The following PPP1R1C variants were observed in gnomAD, a reference collection of about 807,000 sequenced individuals.
PPP1R1C encodes the protein protein phosphatase 1 regulatory subunit 1C.
A neutral mutation model predicts 17.4 loss-of-function variants in PPP1R1C; 15 were observed. That is an observed-to-expected ratio of 0.86 (90% CI 0.58 to 1.33). The LOEUF is 1.33. Ranked by LOEUF, PPP1R1C falls within the 40% of genes most tolerant of loss-of-function variation. The pLI is 0.00. For synonymous variants in PPP1R1C, 35 were observed against 43.1 expected (o/e 0.81, Z 0.73); for missense variants, 143 against 130.0 (o/e 1.10, Z -0.48).
chr2:182,126,863 G>A (rs1181966516), intron 5 of PPP1R1C, among the ~76,000 whole-genome samples: 1 of 152,036 alleles, frequency 6.6e-6, no homozygotes, highest in African/African-American at 2.4e-5. Flanking sequence ...AGTAGGTAAA[G>A]GAGGGAATTT....
rs1684814829 is a variant in PPP1R1C, at chr2:181,962,338, G to A, written n.111+7704G>A. The A allele has an allele frequency of 3.2e-6, 3 of 944,020 alleles. No homozygotes were observed. Among genetic ancestry groups the A allele is most frequent in the Admixed American group, 1.9e-5 (1 of 53,382 alleles). 58.5% of individuals were successfully genotyped at this position (944,020 alleles called of 1,614,324 possible). A position where few individuals can be genotyped will look rare whatever the true frequency, so the allele number is the denominator to read the frequency against. ...CCCGGAAGCTGGTGGAGCGGGACAC[G>A]GATATCCGGGAACCAGAGCCCCCGG... On this transcript the variant is annotated intron_variant and non_coding_transcript_variant, in intron 1 of 5. Transcript: ENST00000464264. The surrounding 1 kb of genome is among the most constrained non-coding windows in gnomAD (Gnocchi z 6.0).
chr2:182,101,505 G>T (rs1391096101), intron 4 of PPP1R1C, among the ~76,000 whole-genome samples: 1 of 152,150 alleles, frequency 6.6e-6, no homozygotes, highest in East Asian at 1.9e-4. Context: ...GATAAAGCAT[G>T]AAAGGGAACT....
At chr2:182,099,833 A>G (rs529683664) in intron 4 of PPP1R1C, among the ~76,000 whole-genome samples, 1 of 152,344 alleles carries the variant, frequency 6.6e-6, no homozygotes, top group South Asian at 2.1e-4. Context: ...GACTGACCAT[A>G]AATGCTTAGG....
At chr2:182,002,141 T>C (rs765720387) in intron 2 of PPP1R1C, among the ~76,000 whole-genome samples, 1 of 152,116 alleles carries the variant, frequency 6.6e-6, no homozygotes, top group African/African-American at 2.4e-5. Context: ...AGAATGTTGA[T>C]ATTCTTCTTA....
chr2:182,042,337 G>A (rs1485697848), intron 2 of PPP1R1C, among the ~76,000 whole-genome samples: 1 of 152,158 alleles, frequency 6.6e-6, no homozygotes, highest in African/African-American at 2.4e-5. Context: ...AAAAGGATTT[G>A]GATGGAAGTA....
chr2:181,965,728 A>C (rs1441960844), intron 1 of PPP1R1C, among the ~76,000 whole-genome samples: 1 of 152,194 alleles, frequency 6.6e-6, no homozygotes, highest in Non-Finnish European at 1.5e-5. Flanking sequence ...ATTTGAAGTC[A>C]GGTAATGTGA....
chr2:182,023,771 C>T (rs1249122706), intron 2 of PPP1R1C: 2 of 151,988 alleles, frequency 1.3e-5, no homozygotes, highest in African/African-American at 4.8e-5. Context: ...CAGGCATGCA[C>T]CATCATGCCT....
intron 5 of PPP1R1C, among the ~76,000 whole-genome samples, chr2:182,124,327 G>GTTTTTTTTTTGTTTTTTTTTTTTTT (rs1689816316): frequency 3.6e-5 from 3 of 83,008 alleles, no homozygotes; most frequent in East Asian, 3.4e-4. Flanking sequence ...TTTTTTTTTT[G>GTTTTTTTTTTGTTTTTTTTTTTTTT]TTTTTTTTTT....
At position 181,986,000 on chromosome 2, in the gene PPP1R1C, G is replaced by A. The variant is rs117133490; in HGVS notation, c.-111G>A. The A allele has an allele frequency of 3.1e-3, 2,509 of 817,936 alleles. 23 individuals are homozygous for A. The highest frequency in any genetic ancestry group is 0.022 in the East Asian group (903 of 41,156). The allele number at this position is 817,936 out of a possible 1,614,324, so 50.7% of individuals were successfully genotyped here. ...ATCTGGAATTACAGCTATTTATTAC[G>A]AAGCACTCTGTGTGGCTTAGTGGAG... On this transcript the variant is annotated 5_prime_UTR_variant, in exon 1 of 5. Coordinates refer to ENST00000682840, the MANE Select transcript of PPP1R1C (RefSeq NM_001080545.3). This position sits in a 1 kb window ranked among gnomAD's most constrained non-coding sequence, Gnocchi z 4.1.
chr2:181,974,314 A>G (rs746103703), intron 1 of PPP1R1C, among the ~76,000 whole-genome samples: 1 of 152,210 alleles, frequency 6.6e-6, no homozygotes, highest in African/African-American at 2.4e-5. Flanking sequence ...ATATTTATCT[A>G]TGTTACATAA....
chr2:181,965,656 T>G (rs1475473927), intron 1 of PPP1R1C, among the ~76,000 whole-genome samples: 3 of 152,220 alleles, frequency 2.0e-5, no homozygotes, highest in African/African-American at 7.2e-5. Context: ...CATTGGTCTG[T>G]GTCTGTTTTT....
chr2:182,015,705 C>A (rs183508613), intron 2 of PPP1R1C, among the ~76,000 whole-genome samples: 110 of 152,242 alleles, frequency 7.2e-4, no homozygotes, highest in African/African-American at 2.6e-3. Context: ...GAAATGTCAT[C>A]CAGGAGCTAG....
At chr2:182,104,615 C>T (rs1689193965) in intron 4 of PPP1R1C, among the ~76,000 whole-genome samples, 2 of 152,066 alleles carry the variant, frequency 1.3e-5, no homozygotes, top group Non-Finnish European at 1.5e-5. Flanking sequence ...AGGTGATTTA[C>T]TAGTATTTAG....
At chr2:182,113,888 T>C (rs1442149564) in intron 4 of PPP1R1C, among the ~76,000 whole-genome samples, 1 of 152,180 alleles carries the variant, frequency 6.6e-6, no homozygotes, top group East Asian at 1.9e-4. Context: ...GTTTGCCAAA[T>C]ATAAACCTCC....
chr2:182,127,504 A>G (rs918203654), intron 5 of PPP1R1C, among the ~76,000 whole-genome samples: 1 of 152,102 alleles, frequency 6.6e-6, no homozygotes, highest in Non-Finnish European at 1.5e-5. Context: ...GCAACAGGCA[A>G]TTTTCATTTT....
intron 4 of PPP1R1C, among the ~76,000 whole-genome samples, chr2:182,085,266 A>G (rs1574439416): frequency 6.6e-6 from 1 of 151,944 alleles, no homozygotes; most frequent in Admixed American, 6.6e-5. Context: ...TCCCTTATCT[A>G]ATTGCTCTGG....
At chr2:182,042,841 G>A (rs1293853942) in intron 2 of PPP1R1C, among the ~76,000 whole-genome samples, 1 of 152,186 alleles carries the variant, frequency 6.6e-6, no homozygotes, top group Non-Finnish European at 1.5e-5. Flanking sequence ...TACCAGGGAA[G>A]CTGGAGGTAT....
intron 2 of PPP1R1C, among the ~76,000 whole-genome samples, chr2:182,005,165 A>T (rs147970572): frequency 4.5e-4 from 69 of 152,316 alleles, no homozygotes; most frequent in Middle Eastern, 3.4e-3. Context: ...TAACGTTGGC[A>T]ATATATATAC....
At chr2:182,034,475 A>G (rs1686940112) in intron 2 of PPP1R1C, among the ~76,000 whole-genome samples, 1 of 152,194 alleles carries the variant, frequency 6.6e-6, no homozygotes, top group Admixed American at 6.5e-5. Context: ...TTGAGGAACA[A>G]AAAGAAGGTC....
Sources: allele counts gnomAD v4.1 joint callset (sites outside exome capture counted in the v4.1 genomes callset), GRCh38; gene constraint gnomAD v4.1.1; non-coding constraint Gnocchi (gnomAD v3.1); transcripts MANE v1.5; gene names NCBI Gene and HGNC (gene_info 2026-07-23, HGNC 2026-07-21).